The following DPP6 variants were observed in gnomAD, a reference collection of about 807,000 sequenced individuals.
The protein encoded by DPP6 is A-type potassium channel modulatory protein DPP6.
Under a neutral mutation model 122.6 loss-of-function variants are expected in DPP6, and 69 were observed. The ratio of observed to expected loss-of-function variants is 0.56; its 90% CI spans 0.46 to 0.69. The LOEUF is 0.69. DPP6 is among the 30% of genes least tolerant of loss of function. The pLI is 0.00. For synonymous variants in DPP6, 418 were observed against 433.1 expected, an observed-to-expected ratio of 0.97 and a Z score of 0.43; for missense variants, 928 against 1,116.9, an observed-to-expected ratio of 0.83 and a Z score of 2.41.
At chr7:154,788,894 T>G (rs759780619) in intron 10 of DPP6, among the ~76,000 whole-genome samples, 8 of 152,206 alleles carry the variant, frequency 5.3e-5, no homozygotes, top group African/African-American at 9.7e-5. Flanking sequence ...CCTCCCACAT[T>G]TTCCTCAATT....
chr7:153,830,732 C>T, the DPP6 span, among the ~76,000 whole-genome samples: 1 of 152,084 alleles, frequency 6.6e-6, no homozygotes, highest in Non-Finnish European at 1.5e-5. Context: ...TATCTCATAC[C>T]GAATTTAATA....
the DPP6 span, among the ~76,000 whole-genome samples, chr7:153,838,570 A>G: frequency 6.6e-6 from 1 of 152,232 alleles, no homozygotes; most frequent in African/African-American, 2.4e-5. Context: ...GATACTGAGT[A>G]ACAAAGGATG....
In DPP6 at chr7:153,915,915, A is replaced by G. The variant is rs552419796; in HGVS notation, c.51+28181A>G. ...TAAACCCAACCTGGGCCAGTGGTGG[A>G]CACACTAAGATAAATAGCTCCTCTG... is the stretch of plus-strand genomic sequence containing the variant. On this transcript the variant is annotated intron_variant, in intron 1 of 25. Transcript: ENST00000404039. Among the ~76,000 whole-genome samples the G allele has an allele frequency of 5.3e-5, 8 of 152,160 alleles. No individual in the cohort carries two copies. The South Asian group carries it at 1.2e-3, about 24-fold the overall frequency.
intron 1 of DPP6, among the ~76,000 whole-genome samples, chr7:154,256,998 C>CTTT (rs66710949): frequency 0.01 from 1,356 of 132,810 alleles, 36 homozygotes; most frequent in African/African-American, 0.033. Flanking sequence ...TCTTCTTCTT[C>CTTT]TTTTTTTTTT....
the DPP6 span, among the ~76,000 whole-genome samples, chr7:153,777,303 G>A: frequency 0.019 from 2,842 of 151,826 alleles, 34 homozygotes; most frequent in African/African-American, 0.036. Context: ...AATGCAAAAT[G>A]TTTCATCTCC....
chr7:154,776,991 C>A (rs1457459952), intron 10 of DPP6, among the ~76,000 whole-genome samples: 1 of 152,194 alleles, frequency 6.6e-6, no homozygotes, highest in Non-Finnish European at 1.5e-5. Flanking sequence ...AACCTTTATG[C>A]CACTCATTTT....
At chr7:154,487,008 A>G (rs1823853954) in intron 3 of DPP6, among the ~76,000 whole-genome samples, 1 of 152,148 alleles carries the variant, frequency 6.6e-6, no homozygotes, top group Non-Finnish European at 1.5e-5. Context: ...TCCTTGGCAA[A>G]CGTTGCATCC....
intron 8 of DPP6, among the ~76,000 whole-genome samples, chr7:154,746,517 C>G (rs979454468): frequency 4.6e-5 from 7 of 152,162 alleles, no homozygotes; most frequent in African/African-American, 1.7e-4. Context: ...GAAGTACCAG[C>G]AAATGCTTCT....
At chr7:154,351,992 T>C (rs927627368) in intron 1 of DPP6, among the ~76,000 whole-genome samples, 1 of 152,018 alleles carries the variant, frequency 6.6e-6, no homozygotes, top group Non-Finnish European at 1.5e-5. Context: ...CCTGCTCCTA[T>C]AGCAATGCCT....
In DPP6 at chr7:154,480,766, C is replaced by G. The variant is rs78171126; in HGVS notation, c.457+5729C>G. On this transcript the variant is annotated intron_variant, in intron 3 of 25. Transcript: ENST00000377770. ...GACATTTCAATTTTAACCTTAATAT[C>G]TCCAAGTCTCAGTCCTTGATTTCCC... Among the ~76,000 whole-genome samples the G allele has an allele frequency of 4.8e-3, 725 of 152,206 alleles. 4 individuals carry two copies. The highest frequency in any genetic ancestry group is 0.016 in the African/African-American group (649 of 41,532).
At chr7:154,193,644 G>T (rs1178424002) in intron 1 of DPP6, among the ~76,000 whole-genome samples, 1 of 152,124 alleles carries the variant, frequency 6.6e-6, no homozygotes, top group African/African-American at 2.4e-5. Context: ...GGGCATGGGG[G>T]CTTAGAGTGC....
intron 1 of DPP6, among the ~76,000 whole-genome samples, chr7:154,064,966 C>T (rs1302530572): frequency 6.6e-6 from 1 of 152,166 alleles, no homozygotes; most frequent in East Asian, 1.9e-4. Flanking sequence ...CCTCAAATGC[C>T]TTTTCCTTAC....
At chr7:154,104,091 C>T (rs1310202176) in intron 1 of DPP6, among the ~76,000 whole-genome samples, 2 of 152,210 alleles carry the variant, frequency 1.3e-5, no homozygotes, top group Non-Finnish European at 2.9e-5. Context: ...AGATTCCTGA[C>T]CAATACGGTT....
intron 2 of DPP6, among the ~76,000 whole-genome samples, chr7:154,465,529 A>G (rs1050607690): frequency 1.3e-5 from 2 of 152,214 alleles, no homozygotes; most frequent in South Asian, 2.1e-4. Context: ...AAACAACTCT[A>G]TCAAAAAGTG....
At chr7:154,680,138 C>T (rs1220766910) in intron 7 of DPP6, among the ~76,000 whole-genome samples, 1 of 151,580 alleles carries the variant, frequency 6.6e-6, no homozygotes, top group African/African-American at 2.4e-5. Flanking sequence ...AAAGGAAATG[C>T]GTAATCATAG....
At chr7:154,635,177 G>A (rs1392317904) in intron 5 of DPP6, among the ~76,000 whole-genome samples, 4 of 152,058 alleles carry the variant, frequency 2.6e-5, no homozygotes, top group Non-Finnish European at 5.9e-5. Context: ...GTACAAATAG[G>A]ACAATAATAT....
At chr7:153,774,267 A>G in the DPP6 span, among the ~76,000 whole-genome samples, 1 of 152,214 alleles carries the variant, frequency 6.6e-6, no homozygotes, top group Non-Finnish European at 1.5e-5. Context: ...GGAGAAGGAA[A>G]GGTGACTCCT....
chr7:154,189,679 C>T (rs1000714625), intron 1 of DPP6, among the ~76,000 whole-genome samples: 5 of 152,142 alleles, frequency 3.3e-5, no homozygotes, highest in African/African-American at 9.7e-5. Context: ...GCCAGTTCTC[C>T]CTTCCCTCTC....
At chr7:154,569,951 G>A (rs1456920680) in intron 5 of DPP6, among the ~76,000 whole-genome samples, 2 of 151,904 alleles carry the variant, frequency 1.3e-5, no homozygotes, top group South Asian at 4.2e-4. Context: ...GTGACCCTGG[G>A]CTTCTGTTTC....
Sources: gnomAD v4.1 joint callset for allele counts (sites outside exome capture counted in the v4.1 genomes callset) on GRCh38, gnomAD v4.1.1 for gene constraint, MANE v1.5 for transcripts, NCBI Gene and HGNC (gene_info 2026-07-23, HGNC 2026-07-21) for gene names.